The following EFHC1 variants were observed in gnomAD, a reference collection of about 807,000 sequenced individuals.
EFHC1 encodes the protein EF-hand domain-containing protein 1.
A neutral mutation model predicts 69.9 loss-of-function variants in EFHC1; 53 were observed. The ratio of observed to expected loss-of-function variants is 0.76; its 90% CI spans 0.61 to 0.95. EFHC1 has a LOEUF of 0.95. Among genes scored for constraint, EFHC1 ranks in the 40% least tolerant of loss-of-function variants. The probability of loss-of-function intolerance (pLI) is 0.00; values close to 1 mark genes in which losing one functional copy is unlikely to be tolerated. For synonymous variants in EFHC1, 256 were observed against 278.4 expected (o/e 0.92, Z 0.80); for missense variants, 739 against 798.7 (o/e 0.93, Z 0.90).
chr6:52,464,824 C>A, intron 5 of EFHC1, 71 bp from the exon 6 acceptor site: 1 of 1,342,458 alleles, frequency 7.4e-7, no homozygotes, highest in Non-Finnish European at 1.1e-6. Context: ...GAATGCCTGG[C>A]AGTTGTGTGT....
intron 9 of EFHC1, chr6:52,485,261 A>G (rs1373685187): frequency 6.6e-6 from 1 of 152,192 alleles, no homozygotes; most frequent in African/African-American, 2.4e-5. Context: ...TGTTTATGCA[A>G]ATACCAGCAG....
chr6:52,432,053 T>C (rs1325504685), intron 2 of EFHC1, among the ~76,000 whole-genome samples: 1 of 152,180 alleles, frequency 6.6e-6, no homozygotes, highest in Non-Finnish European at 1.5e-5. Flanking sequence ...ATGGAGTTTC[T>C]TTATCCACCC....
At chr6:52,448,238 C>T (rs536590508) in intron 3 of EFHC1, among the ~76,000 whole-genome samples, 1 of 152,350 alleles carries the variant, frequency 6.6e-6, no homozygotes, top group South Asian at 2.1e-4. Flanking sequence ...AGCTTCCCAG[C>T]TGCTTTGTTT....
intron 5 of EFHC1, among the ~76,000 whole-genome samples, chr6:52,462,443 G>C (rs1262436732): frequency 6.6e-6 from 1 of 151,718 alleles, no homozygotes; most frequent in Non-Finnish European, 1.5e-5. Flanking sequence ...TAAAATAAGA[G>C]GCTGAAAATA....
intron 3 of EFHC1, among the ~76,000 whole-genome samples, chr6:52,447,548 G>T (rs572968194): frequency 1.3e-5 from 2 of 152,166 alleles, no homozygotes; most frequent in African/African-American, 4.8e-5. Context: ...ATTACTGATT[G>T]TCTGAAGCCT....
At chr6:52,429,161 C>T (rs1764365196) in intron 2 of EFHC1, among the ~76,000 whole-genome samples, 1 of 152,062 alleles carries the variant, frequency 6.6e-6, no homozygotes, top group South Asian at 2.1e-4. Flanking sequence ...ACTCTGTTGA[C>T]TGTTCCTTTT....
chr6:52,462,940 A>G (rs997799810), intron 5 of EFHC1, among the ~76,000 whole-genome samples: 1 of 151,948 alleles, frequency 6.6e-6, no homozygotes. Flanking sequence ...ACATAAAATA[A>G]AATAATAATA....
intron 3 of EFHC1, among the ~76,000 whole-genome samples, chr6:52,448,468 G>A (rs560285292): frequency 1.3e-5 from 2 of 152,290 alleles, no homozygotes; most frequent in African/African-American, 4.8e-5. Flanking sequence ...GATACTGTCT[G>A]TCACAGCTTC....
At chr6:52,459,172 A>T (rs1236940229) in intron 5 of EFHC1, among the ~76,000 whole-genome samples, 1 of 152,220 alleles carries the variant, frequency 6.6e-6, no homozygotes, top group Non-Finnish European at 1.5e-5. Context: ...GCATCATGCA[A>T]TATACCTGTG....
chr6:52,460,013 T>A (rs973629944), intron 5 of EFHC1, among the ~76,000 whole-genome samples: 12 of 152,160 alleles, frequency 7.9e-5, no homozygotes, highest in African/African-American at 2.9e-4. Flanking sequence ...ATATCTACCA[T>A]ACAAACCAGC....
intron 2 of EFHC1, among the ~76,000 whole-genome samples, chr6:52,434,566 C>T (rs1225205800): frequency 1.3e-5 from 2 of 152,130 alleles, no homozygotes; most frequent in Non-Finnish European, 2.9e-5. Flanking sequence ...CAATTTGCTT[C>T]CTTCAGAGGG....
At chr6:52,460,101 C>CT (rs895099361) in intron 5 of EFHC1, among the ~76,000 whole-genome samples, 5 of 152,086 alleles carry the variant, frequency 3.3e-5, no homozygotes, top group African/African-American at 1.2e-4. Flanking sequence ...TTTATGGCAG[C>CT]TTTTTTTATA....
At chr6:52,429,368 T>C (rs1027325899) in intron 2 of EFHC1, among the ~76,000 whole-genome samples, 1 of 152,220 alleles carries the variant, frequency 6.6e-6, no homozygotes, top group African/African-American at 2.4e-5. Context: ...TTGATTTTTA[T>C]ATAAGGTGAG....
In EFHC1 at chr6:52,479,742, A is replaced by C. The variant is rs1765632669; in HGVS notation, c.1595A>C (p.Gln532Pro). ...QYSPEALASI[Q>P]NHVRKREAPA... ...TCACCAGAAGCACTCGCGTCAATTC[A>C]GAACCATGTCCGAAAGCGAGAAGCG... The change falls in exon 9 of 11, where the codon CAG (glutamine) becomes CCG (proline). Residue 532 changes from glutamine to proline, a missense_variant. Physicochemically the swap from Gln to Pro is moderately conservative, Grantham distance 76 (BLOSUM62 -1). Coordinates refer to ENST00000371068, the MANE Select transcript of EFHC1 (RefSeq NM_018100.4). 6.2e-7 allele frequency: 1 copy of C among 1,614,132 alleles called. No individual in the cohort carries two copies. Among genetic ancestry groups the C allele is most frequent in the Admixed American group, 1.7e-5 (1 of 60,014 alleles).
chr6:52,453,705 T>C (rs1395089069), intron 4 of EFHC1: 1 of 1,249,336 alleles, frequency 8.0e-7, no homozygotes, highest in East Asian at 5.6e-5. Flanking sequence ...GGTTAATAAA[T>C]AAAAATTTTT....
chr6:52,479,696 G>A lies in EFHC1; in HGVS notation c.1549G>A (p.Glu517Lys). Residue 517 changes from glutamate (E) to lysine (K), a missense_variant, in exon 9 of 11, where the codon GAG becomes AAG. By Grantham distance (56) the Glu-to-Lys change is moderately conservative (BLOSUM62 1). Coordinates refer to ENST00000371068, the MANE Select transcript of EFHC1 (RefSeq NM_018100.4). ...DTDEYVLKYM[E>K]SNAAQYSPEA... The stretch of plus-strand genomic sequence containing the variant: ...AGACGAGTATGTTTTGAAATACATG[G>A]AGAGCAACGCTGCCCAGTATTCACC... 6.2e-7 allele frequency: 1 copy of A among 1,614,164 alleles called. No homozygotes were observed. The highest frequency in any genetic ancestry group is 8.5e-7 in the Non-Finnish European group (1 of 1,180,014).
intron 7 of EFHC1, among the ~76,000 whole-genome samples, chr6:52,476,182 A>G (rs919290552): frequency 2.0e-5 from 3 of 152,246 alleles, no homozygotes; most frequent in African/African-American, 7.2e-5. Flanking sequence ...GTAACAAGAA[A>G]GTATAGATAA....
At chr6:52,425,053 T>C (rs1464011079) in intron 2 of EFHC1, among the ~76,000 whole-genome samples, 2 of 152,250 alleles carry the variant, frequency 1.3e-5, no homozygotes, top group Non-Finnish European at 2.9e-5. Flanking sequence ...GTACCTGTTG[T>C]AAGCTAGAGG....
chr6:52,478,820 T>C (rs991121060), intron 7 of EFHC1, among the ~76,000 whole-genome samples: 2 of 152,154 alleles, frequency 1.3e-5, no homozygotes, highest in African/African-American at 4.8e-5. Context: ...AAGGCAACAA[T>C]TGAGTTGAGT....
Sources: gnomAD v4.1 joint callset for allele counts (sites outside exome capture counted in the v4.1 genomes callset) on GRCh38, gnomAD v4.1.1 for gene constraint, MANE v1.5 for transcripts, NCBI Gene and HGNC (gene_info 2026-07-23, HGNC 2026-07-21) for gene names.